The following FSIP1 variants were observed in gnomAD, a reference collection of about 807,000 sequenced individuals.
FSIP1 encodes fibrous sheath interacting protein 1.
In FSIP1, 65 loss-of-function variants were observed where a neutral mutation model predicts 60.9. That is an observed-to-expected ratio of 1.07 (90% CI 0.87 to 1.31). The LOEUF is 1.31. FSIP1 is among the 40% of genes most tolerant of loss of function. The probability of loss-of-function intolerance (pLI) is 0.00; values close to 1 mark genes in which losing one functional copy is unlikely to be tolerated. For synonymous variants in FSIP1, 209 were observed against 221.2 expected, an observed-to-expected ratio of 0.94 and a Z score of 0.49; for missense variants, 675 against 665.5, an observed-to-expected ratio of 1.01 and a Z score of -0.16.
chr15:39,765,803 G>T, intron 3 of FSIP1, 57 bp from the exon 4 acceptor site: 1 of 969,168 alleles, frequency 1.0e-6, no homozygotes, highest in Non-Finnish European at 1.5e-6. Flanking sequence ...ATAAAGTTTT[G>T]TTTTGTTCTT....
rs572647535 is a variant in FSIP1 at position 39,674,497 on chromosome 15, A to G, written c.1188+38947T>C. Among the ~76,000 whole-genome samples, 11 of 152,302 alleles carry G rather than the reference A, an allele frequency of 7.2e-5. No individual in the cohort carries two copies. In the South Asian group the frequency reaches 2.1e-3, roughly 29 times the overall value. The stretch of plus-strand genomic sequence containing the variant: ...GGGGACCTGCACCCTATCAGATATC[A>G]GCATTTCTTACAAGGCTAAGACAAT... On this transcript the variant is annotated intron_variant, in intron 10 of 11. Transcript: ENST00000350221.
At chr15:39,624,794 G>C (rs537661871) in intron 10 of FSIP1, among the ~76,000 whole-genome samples, 3 of 152,298 alleles carry the variant, frequency 2.0e-5, no homozygotes, top group African/African-American at 7.2e-5. Context: ...CACCAGAATA[G>C]TCAGAGGCTG....
intron 5 of FSIP1, among the ~76,000 whole-genome samples, chr15:39,761,361 G>A (rs557390342): frequency 2.9e-4 from 44 of 152,278 alleles, no homozygotes; most frequent in African/African-American, 9.6e-4. Context: ...AAAATGTGTT[G>A]TATAGACACC....
chr15:39,669,555 G>C (rs965323684), intron 10 of FSIP1, among the ~76,000 whole-genome samples: 5 of 152,148 alleles, frequency 3.3e-5, no homozygotes, highest in African/African-American at 1.2e-4. Context: ...TTAACAGAAA[G>C]ATATCTTTAT....
intron 10 of FSIP1, among the ~76,000 whole-genome samples, chr15:39,633,222 T>C (rs1022670379): frequency 2.7e-5 from 4 of 150,904 alleles, no homozygotes; most frequent in African/African-American, 9.8e-5. Flanking sequence ...CCCAAGTAGC[T>C]GGGACTATAG....
chr15:39,607,492 A>G (rs1266451441), intron 11 of FSIP1, among the ~76,000 whole-genome samples: 1 of 152,240 alleles, frequency 6.6e-6, no homozygotes, highest in East Asian at 1.9e-4. Context: ...CCCAGTAACT[A>G]GTGAGTACAA....
intron 10 of FSIP1, among the ~76,000 whole-genome samples, chr15:39,674,093 C>T (rs1232018230): frequency 5.3e-5 from 8 of 150,674 alleles, no homozygotes; most frequent in Admixed American, 2.0e-4. Flanking sequence ...CTCGCTCTGT[C>T]GCCCAGGCTG....
intron 4 of FSIP1, among the ~76,000 whole-genome samples, 176 bp downstream of exon 4, chr15:39,765,416 G>GT (rs954352884): frequency 2.0e-5 from 3 of 150,954 alleles, no homozygotes; most frequent in Non-Finnish European, 3.0e-5. Context: ...AATTTTTTAG[G>GT]TTTTTTTTGT....
At chr15:39,621,486 A>C (rs966297826) in intron 10 of FSIP1, among the ~76,000 whole-genome samples, 5 of 152,260 alleles carry the variant, frequency 3.3e-5, no homozygotes, top group Non-Finnish European at 5.9e-5. Context: ...TGCTGCCTTG[A>C]GCATGTCACC....
chr15:39,740,693 G>C (rs1042337645), intron 6 of FSIP1, among the ~76,000 whole-genome samples: 59 of 152,102 alleles, frequency 3.9e-4, no homozygotes, highest in African/African-American at 1.4e-3. Context: ...TGAACATAAA[G>C]GATTAAAGGA....
At chr15:39,655,790 G>C (rs1893047463) in intron 10 of FSIP1, among the ~76,000 whole-genome samples, 2 of 152,128 alleles carry the variant, frequency 1.3e-5, no homozygotes, top group Admixed American at 1.3e-4. Context: ...GATATATTTT[G>C]AAATGATCTT....
At chr15:39,712,125 C>T (rs921966528) in intron 10 of FSIP1, among the ~76,000 whole-genome samples, 9 of 152,152 alleles carry the variant, frequency 5.9e-5, no homozygotes, top group African/African-American at 1.9e-4. Flanking sequence ...AAAAAAAGCA[C>T]GATGTATTCA....
At chr15:39,707,236 ATT>A (rs1384047421) in intron 10 of FSIP1, among the ~76,000 whole-genome samples, 2 of 152,052 alleles carry the variant, frequency 1.3e-5, no homozygotes, top group African/African-American at 4.8e-5. Context: ...GACTGGCTCC[ATT>A]TCGCAGCAGG....
At chr15:39,663,240 C>T (rs1442702861) in intron 10 of FSIP1, among the ~76,000 whole-genome samples, 3 of 152,102 alleles carry the variant, frequency 2.0e-5, no homozygotes, top group Non-Finnish European at 2.9e-5. Flanking sequence ...TTATTAAACC[C>T]ACTGACACTT....
At chr15:39,634,366 C>A (rs545610391) in intron 10 of FSIP1, among the ~76,000 whole-genome samples, 1 of 152,282 alleles carries the variant, frequency 6.6e-6, no homozygotes, top group South Asian at 2.1e-4. Context: ...TCAACCCAAA[C>A]AGGGTTTAGT....
intron 10 of FSIP1, among the ~76,000 whole-genome samples, chr15:39,662,354 A>G (rs1200850423): frequency 1.3e-5 from 2 of 152,182 alleles, no homozygotes; most frequent in East Asian, 1.9e-4. Context: ...ACAAGTATAA[A>G]GTTTAGAGAA....
intron 4 of FSIP1, among the ~76,000 whole-genome samples, chr15:39,765,238 TTTC>T (rs1478554170): frequency 7.8e-6 from 1 of 128,496 alleles, no homozygotes; most frequent in African/African-American, 3.0e-5. Flanking sequence ...GAGGAAATTC[TTTC>T]TTTTTTTTTT....
At chr15:39,680,590 T>A (rs546406917) in intron 10 of FSIP1, among the ~76,000 whole-genome samples, 1 of 152,180 alleles carries the variant, frequency 6.6e-6, no homozygotes, top group Non-Finnish European at 1.5e-5. Flanking sequence ...TCTTAGGCCA[T>A]GAAATAGTAG....
chr15:39,655,558 A>T lies in FSIP1; in HGVS notation c.1189-37313T>A, dbSNP rs767199935. Among the ~76,000 whole-genome samples, 224 of 152,338 alleles carry T rather than the reference A, an allele frequency of 1.5e-3. 2 individuals carry two copies. In the Middle Eastern group the frequency reaches 0.027, roughly 19 times the overall value. On this transcript the variant is annotated intron_variant, in intron 10 of 11. Transcript: ENST00000350221. ...TTATTGAATGCCCACTACAAAGTTC[A>T]GTGTTGTAACGACTGAGGCTCTGAA...
Sources: allele counts gnomAD v4.1 joint callset (sites outside exome capture counted in the v4.1 genomes callset), GRCh38; gene constraint gnomAD v4.1.1; transcripts MANE v1.5; gene names NCBI Gene and HGNC (gene_info 2026-07-23, HGNC 2026-07-21).